The following SCNN1B variants were observed in gnomAD, a reference collection of about 807,000 sequenced individuals.
SCNN1B encodes the protein sodium channel epithelial 1 subunit beta.
SCNN1B carries 46 observed loss-of-function variants against 65.3 expected under a neutral mutation model. The observed-to-expected ratio is 0.70, with a 90% CI of 0.56 to 0.90. The LOEUF (loss-of-function observed/expected upper bound fraction) is 0.90. Ranked by LOEUF, SCNN1B falls within the 40% of genes least tolerant of loss-of-function variation. The probability of loss-of-function intolerance (pLI) is 0.00; values close to 1 mark genes in which losing one functional copy is unlikely to be tolerated. For synonymous variants in SCNN1B, 349 were observed against 330.6 expected (o/e 1.06, Z -0.60); for missense variants, 751 against 830.5 (o/e 0.90, Z 1.18).
chr16:23,293,222 A>G (rs1256699964), intron 2 of SCNN1B, among the ~76,000 whole-genome samples: 1 of 151,980 alleles, frequency 6.6e-6, no homozygotes, highest in East Asian at 1.9e-4. Flanking sequence ...CCATACTCAT[A>G]GGAGCATTAT....
intron 4 of SCNN1B, among the ~76,000 whole-genome samples, chr16:23,360,225 T>TAAATAAATAAATAAATAAATAAATAAAC (rs748501690): frequency 6.7e-6 from 1 of 150,022 alleles, no homozygotes; most frequent in African/African-American, 2.5e-5. Context: ...AATAAATAAA[T>TAAATAAATAAATAAATAAATAAATAAAC]AAACAAATAA....
At chr16:23,347,408 A>C (rs1424303010) in intron 1 of SCNN1B, among the ~76,000 whole-genome samples, 1 of 152,212 alleles carries the variant, frequency 6.6e-6, no homozygotes, top group African/African-American at 2.4e-5. Flanking sequence ...TCTTCACTTA[A>C]CATTGTTGAT....
intron 1 of SCNN1B, among the ~76,000 whole-genome samples, chr16:23,314,308 G>A (rs1324176007): frequency 6.6e-6 from 1 of 152,190 alleles, no homozygotes; most frequent in East Asian, 1.9e-4. Flanking sequence ...GATTACAGGC[G>A]TGAACTGCCA....
intron 1 of SCNN1B, among the ~76,000 whole-genome samples, chr16:23,316,638 TCTC>T (rs1961474979): frequency 6.8e-6 from 1 of 147,044 alleles, no homozygotes; most frequent in South Asian, 2.2e-4. Flanking sequence ...ACCCTCACCA[TCTC>T]CTCTGTCATC....
chr16:23,374,296 G>A (rs1223476352), intron 7 of SCNN1B, among the ~76,000 whole-genome samples: 3 of 99,844 alleles, frequency 3.0e-5, no homozygotes, highest in African/African-American at 1.0e-4. Context: ...AAAAGAGGCC[G>A]GGCGCGATGG....
At chr16:23,378,186 T>G (rs1962953645) in intron 10 of SCNN1B, among the ~76,000 whole-genome samples, 1 of 152,110 alleles carries the variant, frequency 6.6e-6, no homozygotes, top group African/African-American at 2.4e-5. Flanking sequence ...ATTGTTAAAC[T>G]TTTTGTAGAG....
intron 1 of SCNN1B, among the ~76,000 whole-genome samples, chr16:23,329,963 G>A (rs1961776665): frequency 6.6e-6 from 1 of 151,794 alleles, no homozygotes; most frequent in South Asian, 2.1e-4. Flanking sequence ...GCAGTTGGAG[G>A]CTGCGGTGAA....
At chr16:23,351,264 C>T (rs1449594303) in intron 2 of SCNN1B, among the ~76,000 whole-genome samples, 2 of 152,194 alleles carry the variant, frequency 1.3e-5, no homozygotes, top group African/African-American at 4.8e-5. Flanking sequence ...TTATAAGCAG[C>T]ACCTCATTGA....
At chr16:23,371,691 T>A (rs977271422) in intron 6 of SCNN1B, 85 bp from the exon 7 acceptor site, 34 of 1,225,494 alleles carry the variant, frequency 2.8e-5, no homozygotes, top group Non-Finnish European at 3.9e-5. Flanking sequence ...CAGCCCTCTG[T>A]CCCCAAATGC....
chr16:23,347,843 A>G (rs1216375943), intron 1 of SCNN1B, among the ~76,000 whole-genome samples: 6 of 152,254 alleles, frequency 3.9e-5, no homozygotes, highest in African/African-American at 1.4e-4. Flanking sequence ...TGGGAGGTAG[A>G]GATTGCAGTG....
intron 1 of SCNN1B, among the ~76,000 whole-genome samples, chr16:23,278,848 G>A (rs566401491): frequency 3.2e-4 from 49 of 152,224 alleles, no homozygotes; most frequent in Middle Eastern, 6.8e-3. Context: ...GCTGAAGTGG[G>A]AGGATCACTT....
intron 4 of SCNN1B, among the ~76,000 whole-genome samples, chr16:23,364,027 C>T (rs568716003): frequency 1.3e-5 from 2 of 149,270 alleles, no homozygotes; most frequent in East Asian, 2.0e-4. Context: ...ATTAGCCAGG[C>T]GTGGTGGCGC....
At chr16:23,363,989 A>C (rs968797229) in intron 4 of SCNN1B, among the ~76,000 whole-genome samples, 1 of 151,872 alleles carries the variant, frequency 6.6e-6, no homozygotes, top group African/African-American at 2.4e-5. Flanking sequence ...TAACATGGTG[A>C]AACCCTGTCT....
In SCNN1B at chr16:23,367,964, G is replaced by GTTTTGGTTTA; in HGVS notation, c.880+7_880+16dup. 2 of 1,608,992 alleles carry GTTTTGGTTTA rather than the reference G, an allele frequency of 1.2e-6. No individual in the cohort carries two copies. Among genetic ancestry groups the GTTTTGGTTTA allele is most frequent in the Non-Finnish European group, 1.7e-6 (2 of 1,175,326 alleles). ...CCAACCCTGGAACTGAATTCGGTGA[G>GTTTTGGTTTA]TTTTGGTTTATCGTGGGGCCAGAGC... On this transcript the variant is annotated splice_donor_region_variant and intron_variant, in intron 5 of 12. Coordinates refer to ENST00000343070, the MANE Select transcript of SCNN1B (RefSeq NM_000336.3).
chr16:23,316,809 T>C (rs1961480629), intron 1 of SCNN1B, among the ~76,000 whole-genome samples: 1 of 150,912 alleles, frequency 6.6e-6, no homozygotes, highest in Non-Finnish European at 1.5e-5. Context: ...ACCATCACCC[T>C]CACCATCTCC....
At chr16:23,321,861 G>A (rs1961595793) in intron 1 of SCNN1B, among the ~76,000 whole-genome samples, 1 of 151,884 alleles carries the variant, frequency 6.6e-6, no homozygotes, top group African/African-American at 2.4e-5. Flanking sequence ...TGCCTCTACA[G>A]AAAAAATACA....
At chr16:23,283,653 T>C (rs527653277) in intron 1 of SCNN1B, 80 of 152,232 alleles carry the variant, frequency 5.3e-4, no homozygotes, top group African/African-American at 1.9e-3. Context: ...TTGTCTGCAT[T>C]GTCCCTGAAA....
Position 23,381,021 on chromosome 16 carries a change from C to G in SCNN1B, c.*220C>G, listed in dbSNP as rs1230417768. On this transcript the variant is annotated 3_prime_UTR_variant, in exon 13 of 13. Coordinates refer to ENST00000343070, the MANE Select transcript of SCNN1B (RefSeq NM_000336.3). ...TACAGGATGCAGGAATAAATTGTAT[C>G]TTCACCTGGTTCCTACCCTCGTCCC... 5 of 621,766 alleles carry G rather than the reference C, an allele frequency of 8.0e-6. No individual in the cohort carries two copies. The Admixed American group carries it at 1.0e-4, about 13-fold the overall frequency. The allele number at this position is 621,766 out of a possible 1,614,324, so 38.5% of individuals were successfully genotyped here.
intron 1 of SCNN1B, among the ~76,000 whole-genome samples, chr16:23,305,583 A>AT (rs1567290531): frequency 6.4e-5 from 6 of 93,178 alleles, no homozygotes; most frequent in Admixed American, 2.5e-4. Flanking sequence ...TATATTATAT[A>AT]TATATATATA....
Sources: allele counts gnomAD v4.1 joint callset (sites outside exome capture counted in the v4.1 genomes callset), GRCh38; gene constraint gnomAD v4.1.1; transcripts MANE v1.5; gene names NCBI Gene and HGNC (gene_info 2026-07-23, HGNC 2026-07-21).